Variants in ROR1 observed in about 807,000 individuals in gnomAD.
ROR1 encodes the protein ROR family WNT receptor 1.
ROR1 carries 19 observed loss-of-function variants against 78.8 expected under a neutral mutation model. The observed-to-expected ratio is 0.24, with a 90% confidence interval of 0.17 to 0.35. The LOEUF (loss-of-function observed/expected upper bound fraction) is 0.35. Ranked by LOEUF, ROR1 falls within the 10% of genes least tolerant of loss-of-function variation. The pLI, the probability that ROR1 is intolerant of heterozygous loss-of-function variation, is 1.00. For synonymous variants in ROR1, 386 were observed against 433.6 expected, an observed-to-expected ratio of 0.89 and a Z score of 1.36; for missense variants, 917 against 1,177.8, an observed-to-expected ratio of 0.78 and a Z score of 3.24.
intron 2 of ROR1, among the ~76,000 whole-genome samples, chr1:64,013,177 T>C (rs945347301): frequency 6.6e-6 from 1 of 152,174 alleles, no homozygotes; most frequent in African/African-American, 2.4e-5. Context: ...ATAGCTGTTT[T>C]GGGTTAATAT....
intron 1 of ROR1, among the ~76,000 whole-genome samples, chr1:63,949,079 A>C (rs982145036): frequency 5.9e-5 from 9 of 152,292 alleles, no homozygotes; most frequent in African/African-American, 2.2e-4. Flanking sequence ...GCTGTGCAGA[A>C]CTGCAGTGAG....
At chr1:63,978,659 A>G (rs1324624003) in intron 1 of ROR1, among the ~76,000 whole-genome samples, 1 of 152,228 alleles carries the variant, frequency 6.6e-6, no homozygotes, top group Non-Finnish European at 1.5e-5. Context: ...GGTTATATAA[A>G]TCAAAGAAAT....
chr1:64,057,281 T>C (rs911235956), intron 4 of ROR1, among the ~76,000 whole-genome samples: 4 of 152,200 alleles, frequency 2.6e-5, no homozygotes, highest in African/African-American at 9.7e-5. Context: ...CATTGAATTG[T>C]CTTGGCACTC....
At chr1:64,104,617 C>T (rs1172927675) in intron 4 of ROR1, among the ~76,000 whole-genome samples, 1 of 152,106 alleles carries the variant, frequency 6.6e-6, no homozygotes, top group African/African-American at 2.4e-5. Flanking sequence ...CCCCTCACCC[C>T]CACCCTTCAA....
At chr1:63,781,499 GAC>G (rs2100221341) in intron 1 of ROR1, among the ~76,000 whole-genome samples, 1 of 152,310 alleles carries the variant, frequency 6.6e-6, no homozygotes, top group East Asian at 1.9e-4. Flanking sequence ...TGATTGGGGA[GAC>G]ACCAATGAGC....
At chr1:63,950,642 T>G (rs1355012355) in intron 1 of ROR1, among the ~76,000 whole-genome samples, 2 of 152,182 alleles carry the variant, frequency 1.3e-5, no homozygotes, top group Non-Finnish European at 2.9e-5. Context: ...GCTTTCAGCC[T>G]CATTTTACCC....
At chr1:64,142,188 A>G (rs542932483) in intron 6 of ROR1, among the ~76,000 whole-genome samples, 1 of 152,268 alleles carries the variant, frequency 6.6e-6, no homozygotes, top group East Asian at 1.9e-4. Flanking sequence ...TCCTGAAGCA[A>G]AAGCTTTAAA....
At chr1:63,811,186 T>G (rs191170288) in intron 1 of ROR1, among the ~76,000 whole-genome samples, 113 of 152,346 alleles carry the variant, frequency 7.4e-4, no homozygotes, top group African/African-American at 2.6e-3. Context: ...TTTATAATTG[T>G]GTGCTCTGAG....
chr1:64,178,493 C>T lies in ROR1; in HGVS notation c.2452C>T (p.Pro818Ser), dbSNP rs1423421156. 2 of 1,614,218 alleles carry T rather than the reference C, an allele frequency of 1.2e-6. No homozygotes were observed. The highest frequency in any genetic ancestry group is 1.7e-5 in the Admixed American group (1 of 60,036). ...AATACCTCAGAACCAGCGATTCATT[C>T]CCATCAATGGATACCCAATACCTCC... ...PPIPQNQRFI[P>S]INGYPIPPGY... Residue 818 changes from proline (P) to serine (S), a missense_variant, in exon 9 of 9, where the codon CCC becomes TCC. Pro to Ser is a moderately conservative substitution (Grantham distance 74). Around this residue, in one of 3 missense-constraint regions of ROR1, gnomAD observed 835 missense variants for 1,069.8 expected, o/e 0.78. Transcript: ENST00000371079. The surrounding 1 kb of genome is among the most constrained non-coding windows in gnomAD (Gnocchi z 4.3).
intron 8 of ROR1, among the ~76,000 whole-genome samples, chr1:64,163,222 AACACACACAC>A (rs57880828): frequency 0.22 from 30,687 of 137,678 alleles, 3,936 homozygotes; most frequent in East Asian, 0.3. Context: ...CATCTCTACA[AACACACACAC>A]ACACACACAC....
At chr1:63,809,587 A>T (rs991700475) in intron 1 of ROR1, among the ~76,000 whole-genome samples, 2 of 152,172 alleles carry the variant, frequency 1.3e-5, no homozygotes, top group Non-Finnish European at 2.9e-5. Flanking sequence ...TCTAGGGGAG[A>T]CGCTTAAGCA....
At chr1:63,959,368 G>A (rs1385999661) in intron 1 of ROR1, among the ~76,000 whole-genome samples, 1 of 152,130 alleles carries the variant, frequency 6.6e-6, no homozygotes, top group Non-Finnish European at 1.5e-5. Flanking sequence ...ATGATACTGG[G>A]TAGACAGCTA....
intron 1 of ROR1, among the ~76,000 whole-genome samples, chr1:63,780,414 T>C (rs1450021019): frequency 6.6e-6 from 1 of 152,070 alleles, no homozygotes; most frequent in Non-Finnish European, 1.5e-5. Context: ...ATCTGTAAAA[T>C]GGGAATAACA....
At chr1:63,922,669 G>T (rs1370048676) in intron 1 of ROR1, among the ~76,000 whole-genome samples, 1 of 152,066 alleles carries the variant, frequency 6.6e-6, no homozygotes, top group African/African-American at 2.4e-5. Context: ...TTTCTTTTTA[G>T]TATTGATGAT....
chr1:63,908,301 A>C (rs567689666), intron 1 of ROR1, among the ~76,000 whole-genome samples: 18 of 152,346 alleles, frequency 1.2e-4, no homozygotes, highest in Non-Finnish European at 2.6e-4. Context: ...ACAAAGCAAA[A>C]AATGAGGTCA....
chr1:64,165,049 G>A (rs991555705), intron 8 of ROR1, among the ~76,000 whole-genome samples: 3 of 152,156 alleles, frequency 2.0e-5, no homozygotes, highest in Non-Finnish European at 4.4e-5. Flanking sequence ...GTTGTGAATA[G>A]TGCTGCAGTG....
At chr1:63,992,178 T>TTAA (rs1250061066) in intron 1 of ROR1, among the ~76,000 whole-genome samples, 1 of 151,388 alleles carries the variant, frequency 6.6e-6, no homozygotes, top group African/African-American at 2.4e-5. Context: ...GTGGAATAGG[T>TTAA]TAATTATTAT....
At chr1:63,953,371 T>C (rs1183372145) in intron 1 of ROR1, among the ~76,000 whole-genome samples, 1 of 152,180 alleles carries the variant, frequency 6.6e-6, no homozygotes. Context: ...AGCCCTATAT[T>C]TACTATGTTT....
intron 7 of ROR1, among the ~76,000 whole-genome samples, chr1:64,152,562 T>A (rs761037305): frequency 2.6e-5 from 4 of 152,238 alleles, no homozygotes; most frequent in Non-Finnish European, 5.9e-5. Context: ...AATCTTTTGT[T>A]TGTTTTTAGG....
Sources: allele counts gnomAD v4.1 joint callset (sites outside exome capture counted in the v4.1 genomes callset), GRCh38; gene constraint gnomAD v4.1.1; regional missense constraint gnomAD v4.1.1; non-coding constraint Gnocchi (gnomAD v3.1); transcripts MANE v1.5; gene names NCBI Gene and HGNC (gene_info 2026-07-23, HGNC 2026-07-21).